The following FHIP2B variants were observed in gnomAD, a reference collection of about 807,000 sequenced individuals.
The protein encoded by FHIP2B is FHF complex subunit HOOK-interacting protein 2B.
FHIP2B carries 72 observed loss-of-function variants against 84.0 expected under a neutral mutation model. The observed-to-expected ratio is 0.86, with a 90% CI of 0.71 to 1.04. FHIP2B has a LOEUF of 1.04. Among genes scored for constraint, FHIP2B ranks in the 50% least tolerant of loss-of-function variants. FHIP2B has a pLI of 0.00. For missense variants in FHIP2B, 972 were observed against 968.9 expected (o/e 1.00, Z -0.04); for synonymous variants, 497 against 418.7 (o/e 1.19, Z -2.28).
At chr8:22,090,744 C>A (rs967283363) in intron 1 of FHIP2B, among the ~76,000 whole-genome samples, 6 of 152,206 alleles carry the variant, frequency 3.9e-5, no homozygotes, top group African/African-American at 1.4e-4. Context: ...CCCACCTCAG[C>A]CTCCTGAGTA....
At position 22,098,294 on chromosome 8, in the gene FHIP2B, G is replaced by A. The variant is rs1825903561; in HGVS notation, c.752G>A (p.Gly251Glu). The change falls in exon 6 of 17, where the codon GGG (glycine) becomes GAG (glutamate). Residue 251 changes from glycine to glutamate, a missense_variant. By Grantham distance (98) the Gly-to-Glu change is moderately conservative. Transcript: ENST00000289921. ...AGCAACCTGATTACCTCCCTGCTTG[G>A]GCTGTGCCAGAGCAAGGTGCTGGCA... ...TESNLITSLLGLCQSKKSRVA... is the reference protein window; with the variant it reads ...TESNLITSLLELCQSKKSRVA... 1.5e-5 allele frequency: 23 copies of A among 1,566,926 alleles called. No homozygotes were observed. Among genetic ancestry groups the A allele is most frequent in the Admixed American group, 1.8e-5 (1 of 54,492 alleles).
At position 22,097,784 on chromosome 8, in the gene FHIP2B, C is replaced by T. The variant is rs745726476; in HGVS notation, c.470C>T (p.Thr157Ile). 22 of 1,613,424 alleles carry T rather than the reference C, an allele frequency of 1.4e-5. No individual in the cohort carries two copies. In the Admixed American group the frequency reaches 3.0e-4, roughly 22 times the overall value. The change falls in exon 5 of 17, where the codon ACC becomes ATC. Residue 157 changes from threonine to isoleucine, a missense_variant. Physicochemically the swap from Thr to Ile is moderately conservative, Grantham distance 89. Transcript: ENST00000289921. The part of the protein sequence containing the change: ...VTEKEEVQFT[T>I]VLCSKIQQDP... ...GAAAAGGAGGAGGTGCAGTTCACCA[C>T]CGTCCTCTGCTCCAAGATCCAGCAG...
chr8:22,099,598 C>A, intron 9 of FHIP2B, 106 bp from the exon 10 acceptor site: 1 of 1,346,142 alleles, frequency 7.4e-7, no homozygotes, highest in Non-Finnish European at 1.0e-6. Context: ...CAAGTGACCA[C>A]AGACATACCA....
At chr8:22,098,030 T>A in intron 5 of FHIP2B, 38 bp from the exon 6 acceptor site, 1 of 1,551,414 alleles carries the variant, frequency 6.4e-7, no homozygotes, top group South Asian at 1.2e-5. Context: ...TGGGAAGTGG[T>A]CCCCACCAGG....
chr8:22,096,527 C>G lies in FHIP2B; in HGVS notation c.297+18C>G, dbSNP rs138542534. The G allele has an allele frequency of 6.7e-7, 1 of 1,503,222 alleles. No homozygotes were observed. Among genetic ancestry groups the G allele is most frequent in the African/African-American group, 1.5e-5 (1 of 68,864 alleles). 93.1% of individuals were successfully genotyped at this position (1,503,222 alleles called of 1,614,324 possible). ...AGGCCGAGGTGGGAGGCCCTCTGCG[C>G]GCTGGGCCAGGCCGAGGTGGGAGGC... On this transcript the variant is annotated intron_variant, in intron 3 of 16. Transcript: ENST00000289921.
At chr8:22,096,840 C>T (rs897635214) in intron 3 of FHIP2B, 1 of 227,276 alleles carries the variant, frequency 4.4e-6, no homozygotes, top group African/African-American at 2.3e-5. Context: ...ATGGGCCTGC[C>T]ATGTGCCAGG....
rs1466118362 is a variant in FHIP2B, at chr8:22,100,303, G to A, written c.1342-291G>A. ...AAGGCTAACACGTACTACTTCGTGA[G>A]GTAGGCGAGGTTGATACTCCCATTT... On this transcript the variant is annotated intron_variant, in intron 10 of 16. Coordinates refer to ENST00000289921, the MANE Select transcript of FHIP2B (RefSeq NM_022749.7). The A allele has an allele frequency of 9.9e-6, 4 of 402,134 alleles. No homozygotes were observed. In the South Asian group the frequency reaches 2.6e-4, roughly 26 times the overall value. The allele number at this position is 402,134 out of a possible 1,614,324, so 24.9% of individuals were successfully genotyped here.
chr8:22,102,112 G>C, intron 14 of FHIP2B, 63 bp from the exon 15 acceptor site: 1 of 1,611,348 alleles, frequency 6.2e-7, no homozygotes, highest in Non-Finnish European at 8.5e-7. Flanking sequence ...CACCTTGCTG[G>C]GGGAGTGCAA....
In FHIP2B at chr8:22,102,190, C is replaced by T; in HGVS notation, c.1867C>T (p.Leu623=). 6.2e-7 allele frequency: 1 copy of T among 1,613,570 alleles called. No homozygotes were observed. The highest frequency in any genetic ancestry group is 8.5e-7 in the Non-Finnish European group (1 of 1,179,878). Residue 623 remains leucine (L), a synonymous_variant, in exon 15 of 17, where the codon CTG becomes TTG. Coordinates refer to ENST00000289921, the MANE Select transcript of FHIP2B (RefSeq NM_022749.7). ...GTTCCTACAGCCATACAGCCTGAAC[C>T]TGCAGGTGACCTCGGTCCTGTCCCG... ...RILDQPYSLN[L]QVTSVLSRLA... is the part of the protein sequence containing the mutation.
At chr8:22,099,661 G>A (rs1825991694) in intron 9 of FHIP2B, 43 bp from the exon 10 acceptor site, 7 of 1,532,124 alleles carry the variant, frequency 4.6e-6, no homozygotes, top group South Asian at 2.5e-5. Flanking sequence ...CTCATGTGCT[G>A]TCTGCACACA....
Position 22,098,739 on chromosome 8 carries a change from C to T in FHIP2B, c.965+120C>T. On this transcript the variant is annotated intron_variant, in intron 7 of 16. Coordinates refer to ENST00000289921, the MANE Select transcript of FHIP2B (RefSeq NM_022749.7). ...TAGGGACCCCTGCTGGCCACCCTCT[C>T]CCCAAGGCTGCAGCTGATCCCCAGG... 2 of 1,133,018 alleles carry T rather than the reference C, an allele frequency of 1.8e-6. 1 individual carries two copies. Among genetic ancestry groups the T allele is most frequent in the Non-Finnish European group, 2.5e-6 (2 of 812,658 alleles). 70.2% of individuals were successfully genotyped at this position (1,133,018 alleles called of 1,614,324 possible). A position where few individuals can be genotyped will look rare whatever the true frequency, so the allele number is the denominator to read the frequency against.
chr8:22,101,676 G>A, intron 13 of FHIP2B, 32 bp from the exon 14 acceptor site: 2 of 1,586,502 alleles, frequency 1.3e-6, no homozygotes, highest in South Asian at 1.1e-5. Flanking sequence ...CAGTCCCCAG[G>A]CCCACTGCCT....
At chr8:22,094,641 G>A (rs757304504) in intron 2 of FHIP2B, 123 bp downstream of exon 2, 9 of 1,530,888 alleles carry the variant, frequency 5.9e-6, no homozygotes, top group South Asian at 1.2e-5. Flanking sequence ...AATTGGAGCC[G>A]AGTTCACGGA....
intron 10 of FHIP2B, 44 bp from the exon 11 acceptor site, chr8:22,100,550 T>C (rs1417637777): frequency 2.0e-6 from 3 of 1,491,262 alleles, no homozygotes; most frequent in African/African-American, 1.4e-5. Context: ...CCCTGGGAGC[T>C]GGGTGGGGAA....
intron 10 of FHIP2B, chr8:22,100,337 T>C (rs1826035615): frequency 2.3e-6 from 1 of 431,662 alleles, no homozygotes; most frequent in African/African-American, 2.1e-5. Context: ...TTCTCAGACA[T>C]GGAAAGTAAG....
At chr8:22,100,012 C>A (rs951994995) in intron 10 of FHIP2B, 119 bp downstream of exon 10, 4 of 1,044,222 alleles carry the variant, frequency 3.8e-6, no homozygotes, top group South Asian at 1.9e-5. Flanking sequence ...CACTGAACTG[C>A]AAAACACTGC....
At chr8:22,093,832 C>T (rs1825627261) in intron 1 of FHIP2B, among the ~76,000 whole-genome samples, 1 of 148,316 alleles carries the variant, frequency 6.7e-6, no homozygotes, top group Non-Finnish European at 1.5e-5. Context: ...ATCCTCGCAC[C>T]CCAGCCTCCC....
chr8:22,096,287 CG>C (rs1563592398), intron 2 of FHIP2B, 49 bp from the exon 3 acceptor site: 9 of 1,450,616 alleles, frequency 6.2e-6, no homozygotes, highest in Non-Finnish European at 5.5e-6. Context: ...GTTTTCAAGC[CG>C]GGGTGCCCCT....
intron 3 of FHIP2B, among the ~76,000 whole-genome samples, chr8:22,097,297 T>C (rs1825824336): frequency 6.6e-6 from 1 of 152,080 alleles, no homozygotes; most frequent in Non-Finnish European, 1.5e-5. Context: ...GACACAGCTC[T>C]GACAGGCGCT....
Sources: gnomAD v4.1 joint callset for allele counts (sites outside exome capture counted in the v4.1 genomes callset) on GRCh38, gnomAD v4.1.1 for gene constraint, MANE v1.5 for transcripts, NCBI Gene and HGNC (gene_info 2026-07-23, HGNC 2026-07-21) for gene names.